The following ZC3H11A variants were observed in gnomAD, a reference collection of about 807,000 sequenced individuals.
ZC3H11A encodes the protein zinc finger CCCH-type containing 11A.
ZC3H11A carries 22 observed loss-of-function variants against 90.8 expected under a neutral mutation model. The ratio of observed to expected loss-of-function variants is 0.24; its 90% confidence interval spans 0.17 to 0.35. The LOEUF (loss-of-function observed/expected upper bound fraction) is 0.35, where lower values mean the gene tolerates loss of function less well. ZC3H11A is among the 10% of genes least tolerant of loss of function. The pLI is 1.00. For synonymous variants in ZC3H11A, 294 were observed against 339.8 expected, an observed-to-expected ratio of 0.87 and a Z score of 1.48; for missense variants, 701 against 964.9, an observed-to-expected ratio of 0.73 and a Z score of 3.62.
chr1:203,830,770 T>C (rs1257281551), intron 8 of ZC3H11A, among the ~76,000 whole-genome samples: 1 of 151,768 alleles, frequency 6.6e-6, no homozygotes, highest in Admixed American at 6.6e-5. Context: ...GATCGCACCA[T>C]TGTATTCCAG....
chr1:203,837,858 A>T, intron 10 of ZC3H11A, 108 bp from the exon 11 acceptor site: 1 of 1,002,818 alleles, frequency 1.0e-6, no homozygotes, highest in Non-Finnish European at 1.5e-6. Flanking sequence ...CGCCATATGT[A>T]TGCAGAACAC....
chr1:203,843,541 A>T (rs546685980), intron 12 of ZC3H11A, among the ~76,000 whole-genome samples: 1 of 152,178 alleles, frequency 6.6e-6, no homozygotes, highest in South Asian at 2.1e-4. Context: ...AAAGGGTCGG[A>T]TATAAATAAC....
intron 2 of ZC3H11A, chr1:203,805,868 C>T (rs1222241485): frequency 4.7e-6 from 4 of 850,108 alleles, no homozygotes; most frequent in Non-Finnish European, 7.9e-6. Context: ...ATCATGTCCA[C>T]TAGCTGGTCT....
At chr1:203,796,758 T>G (rs1668648271) in intron 1 of ZC3H11A, 1 of 291,212 alleles carries the variant, frequency 3.4e-6, no homozygotes, top group Admixed American at 5.2e-5. Flanking sequence ...ATCTGAAAAC[T>G]AAACTTGAAT....
chr1:203,831,737 T>G lies in ZC3H11A; in HGVS notation c.777T>G (p.Thr259=), dbSNP rs757104376. Residue 259 remains threonine, a synonymous_variant, in exon 9 of 18, where the codon ACT becomes ACG. Transcript: ENST00000367210. ...GTCCTGAAAAAGAAAATGTCAGGAC[T>G]GTGGTGAGGACAGTAACTCTCTCCA... ...VPGPEKENVR[T]VVRTVTLSTK... 1.9e-6 allele frequency: 3 copies of G among 1,612,756 alleles called. No homozygotes were observed. The highest frequency in any genetic ancestry group is 1.7e-6 in the Non-Finnish European group (2 of 1,179,470).
chr1:203,838,754 C>A (rs1558133651), intron 11 of ZC3H11A, among the ~76,000 whole-genome samples: 1 of 151,976 alleles, frequency 6.6e-6, no homozygotes, highest in Admixed American at 6.6e-5. Flanking sequence ...TGTTTGAGAC[C>A]AGTCTGGCCA....
intron 10 of ZC3H11A, among the ~76,000 whole-genome samples, chr1:203,835,173 A>T (rs994234855): frequency 2.6e-5 from 4 of 152,242 alleles, no homozygotes; most frequent in Non-Finnish European, 4.4e-5. Flanking sequence ...TAAGTAATAA[A>T]AAACTTTCAG....
At position 203,849,717 on chromosome 1, in the gene ZC3H11A, G is replaced by T. The variant is rs767221745; in HGVS notation, c.1630G>T (p.Gly544Cys). The T allele has an allele frequency of 1.9e-6, 3 of 1,613,888 alleles. No homozygotes were observed. The highest frequency in any genetic ancestry group is 4.5e-5 in the East Asian group (2 of 44,874). Residue 544 changes from glycine (G) to cysteine (C), a missense_variant, in exon 15 of 18, where the codon GGT becomes TGT. By Grantham distance (159) the Gly-to-Cys change is radical. Transcript: ENST00000367210. Reference protein sequence around the residue: ...SIRTEAKEASGETTGVDITKI... With the variant: ...SIRTEAKEASCETTGVDITKI... ...CATTCAAATTTATCCACAGGCTTCAGGTGAGACCACAGGAGTTGACATCAC... is the reference window on the plus strand; with the variant it reads ...CATTCAAATTTATCCACAGGCTTCATGTGAGACCACAGGAGTTGACATCAC...
At chr1:203,822,818 A>G (rs929509212) in intron 4 of ZC3H11A, among the ~76,000 whole-genome samples, 10 of 152,022 alleles carry the variant, frequency 6.6e-5, no homozygotes, top group African/African-American at 1.7e-4. Flanking sequence ...TCAGACTCCA[A>G]TACCCTGCTC....
chr1:203,799,395 A>G, intron 1 of ZC3H11A: 1 of 703,220 alleles, frequency 1.4e-6, no homozygotes, highest in South Asian at 1.5e-5. Context: ...GGCCCGTCAG[A>G]TACTGCAAGA....
chr1:203,798,113 G>A (rs767006304), intron 1 of ZC3H11A: 42 of 1,535,994 alleles, frequency 2.7e-5, no homozygotes, highest in South Asian at 1.5e-4. Context: ...GTGGAGAGGA[G>A]GACTTTACCT....
At chr1:203,808,863 T>C (rs12729443) in intron 2 of ZC3H11A, among the ~76,000 whole-genome samples, 29,000 of 152,088 alleles carry the variant, frequency 0.19, 3,293 homozygotes, top group East Asian at 0.45. Flanking sequence ...GGCGTTTTTC[T>C]GTTGTTGCCC....
chr1:203,827,586 G>A (rs1680952922), intron 4 of ZC3H11A, among the ~76,000 whole-genome samples: 1 of 151,936 alleles, frequency 6.6e-6, no homozygotes. Flanking sequence ...GGAGGCTGAG[G>A]CAGGAGAATG....
In ZC3H11A at chr1:203,848,339, G is replaced by A. The variant is rs536662986; in HGVS notation, c.1555G>A (p.Glu519Lys). 301 of 1,612,538 alleles carry A rather than the reference G, an allele frequency of 1.9e-4. 1 individual carries two copies. The highest frequency in any genetic ancestry group is 2.5e-4 in the Non-Finnish European group (290 of 1,179,444). ...CTTTAATGTGAATACAGGGATGAAA[G>A]AAGAGAAGAACCTTCAGGAAGGAAA... ...LRITKRTGMKEEKNLQEGNEV... is the reference protein window; with the variant it reads ...LRITKRTGMKKEKNLQEGNEV... Residue 519 changes from glutamate to lysine, a missense_variant, in exon 14 of 18, where the codon GAA becomes AAA. By Grantham distance (56) the Glu-to-Lys change is moderately conservative (BLOSUM62 1). Transcript: ENST00000367210.
At chr1:203,807,886 CAT>C (rs1435367966) in intron 2 of ZC3H11A, among the ~76,000 whole-genome samples, 3 of 151,928 alleles carry the variant, frequency 2.0e-5, no homozygotes, top group Non-Finnish European at 4.4e-5. Context: ...GGAGTAAAGA[CAT>C]GTGCCACCAT....
chr1:203,836,586 A>G (rs953375601), intron 10 of ZC3H11A, among the ~76,000 whole-genome samples: 1 of 152,174 alleles, frequency 6.6e-6, no homozygotes, highest in Non-Finnish European at 1.5e-5. Flanking sequence ...CTAAAAATAC[A>G]AACATCTCTA....
At chr1:203,799,400 G>T (rs1021967648) in intron 1 of ZC3H11A, 16 of 703,042 alleles carry the variant, frequency 2.3e-5, no homozygotes, top group Admixed American at 2.0e-4. Context: ...GTCAGATACT[G>T]CAAGAGTTCC....
intron 8 of ZC3H11A, 133 bp downstream of exon 8, chr1:203,830,336 T>G: frequency 1.4e-6 from 1 of 717,160 alleles, no homozygotes; most frequent in Non-Finnish European, 2.3e-6. Flanking sequence ...AAACACAGAC[T>G]TATTTAAATT....
intron 2 of ZC3H11A, among the ~76,000 whole-genome samples, chr1:203,815,254 G>T (rs1457849630): frequency 1.8e-5 from 2 of 112,018 alleles, no homozygotes; most frequent in Admixed American, 1.4e-4. Flanking sequence ...TCGCTCTGTT[G>T]CCCAAGCTGG....
Sources: allele counts gnomAD v4.1 joint callset (sites outside exome capture counted in the v4.1 genomes callset), GRCh38; gene constraint gnomAD v4.1.1; transcripts MANE v1.5; gene names NCBI Gene and HGNC (gene_info 2026-07-23, HGNC 2026-07-21).